The following ECT2L variants were observed in gnomAD, a reference collection of about 807,000 sequenced individuals.
The protein encoded by ECT2L is epithelial cell-transforming sequence 2 oncogene-like.
ECT2L carries 126 observed loss-of-function variants against 122.8 expected under a neutral mutation model. That is an observed-to-expected ratio of 1.03 (90% CI 0.89 to 1.19). ECT2L has a LOEUF of 1.19. Ranked by LOEUF, ECT2L falls within the 50% of genes most tolerant of loss-of-function variation. The probability of loss-of-function intolerance (pLI) is 0.00; values close to 1 mark genes in which losing one functional copy is unlikely to be tolerated. For synonymous variants in ECT2L, 385 were observed against 381.8 expected, an observed-to-expected ratio of 1.01 and a Z score of -0.10; for missense variants, 1,012 against 1,064.1, an observed-to-expected ratio of 0.95 and a Z score of 0.68.
Position 138,900,986 on chromosome 6 carries a change from T to G in ECT2L, c.2453T>G (p.Phe818Cys), listed in dbSNP as rs779137530. 1.2e-6 allele frequency: 2 copies of G among 1,614,190 alleles called. No homozygotes were observed. The highest frequency in any genetic ancestry group is 1.7e-6 in the Non-Finnish European group (2 of 1,180,018). The change falls in exon 21 of 22, where the codon TTC becomes TGC. Residue 818 changes from phenylalanine to cysteine, a missense_variant. By Grantham distance (205) the Phe-to-Cys change is radical. Coordinates refer to ENST00000541398, the MANE Select transcript of ECT2L (RefSeq NM_001077706.3). Reference protein sequence around the residue: ...EHIHDLSLFLFNDALLVSSRG... With the variant: ...EHIHDLSLFLCNDALLVSSRG... ...ATCCATGATCTCAGCCTTTTCCTCTTCAATGATGCCCTGCTCGTTTCTAGT... is the reference window on the plus strand; with the variant it reads ...ATCCATGATCTCAGCCTTTTCCTCTGCAATGATGCCCTGCTCGTTTCTAGT...
At chr6:138,891,116 A>G (rs1357377704) in intron 20 of ECT2L, among the ~76,000 whole-genome samples, 1 of 152,218 alleles carries the variant, frequency 6.6e-6, no homozygotes, top group East Asian at 1.9e-4. Flanking sequence ...GAATTCAGGC[A>G]CAACTGACCA....
intron 16 of ECT2L, among the ~76,000 whole-genome samples, chr6:138,884,749 G>A (rs1044129676): frequency 1.3e-5 from 2 of 152,140 alleles, no homozygotes; most frequent in South Asian, 2.1e-4. Flanking sequence ...ACCATTAATA[G>A]TCAAGATCTT....
intron 10 of ECT2L, among the ~76,000 whole-genome samples, chr6:138,859,167 G>T (rs927749538): frequency 6.6e-6 from 1 of 152,170 alleles, no homozygotes; most frequent in Non-Finnish European, 1.5e-5. Flanking sequence ...GCATCATACA[G>T]TATGTATTCT....
rs774642083 is a variant in ECT2L at position 138,885,585 on chromosome 6, T to G, written c.2102+6T>G. 10 of 1,614,048 alleles carry G rather than the reference T, an allele frequency of 6.2e-6. No homozygotes were observed. In the Admixed American group the frequency reaches 1.3e-4, roughly 22 times the overall value. ...ATTGTTACCAAAATGCTGAGGTACG[T>G]TCTGAGGGAGAGCACAGCAGGGGTC... On this transcript the variant is annotated splice_donor_region_variant and intron_variant, in intron 17 of 21. Transcript: ENST00000541398.
chr6:138,865,848 CCTGA>C (rs1171886255), intron 12 of ECT2L, among the ~76,000 whole-genome samples: 2 of 152,242 alleles, frequency 1.3e-5, no homozygotes, highest in Non-Finnish European at 2.9e-5. Flanking sequence ...CTACTTTCCG[CCTGA>C]CTAAAACACC....
chr6:138,860,005 A>G (rs1170704749), intron 10 of ECT2L, among the ~76,000 whole-genome samples: 1 of 151,984 alleles, frequency 6.6e-6, no homozygotes, highest in Non-Finnish European at 1.5e-5. Context: ...TAATATTTTT[A>G]GTAGAGACAG....
At chr6:138,866,583 C>T (rs1350377895) in intron 12 of ECT2L, among the ~76,000 whole-genome samples, 4 of 151,960 alleles carry the variant, frequency 2.6e-5, no homozygotes, top group Non-Finnish European at 5.9e-5. Context: ...GACGGGGTTT[C>T]ACCATGTTGG....
At chr6:138,884,218 C>T (rs373310710) in intron 16 of ECT2L, among the ~76,000 whole-genome samples, 12 of 152,180 alleles carry the variant, frequency 7.9e-5, no homozygotes, top group African/African-American at 2.9e-4. Flanking sequence ...TGGTCTTAGC[C>T]GAAAGTCCAG....
intron 1 of ECT2L, among the ~76,000 whole-genome samples, chr6:138,808,916 G>A (rs964367733): frequency 5.3e-5 from 8 of 151,882 alleles, no homozygotes; most frequent in Admixed American, 2.6e-4. Flanking sequence ...TAGTACAGAT[G>A]GAGTTTTGCT....
chr6:138,838,207 A>T lies in ECT2L; in HGVS notation c.180-145A>T, dbSNP rs950082635. ...ATGAGCCACGGCACCTGGCCTGAAA[A>T]TTTTTTAAATCTAGATTTATGTTTT... On this transcript the variant is annotated intron_variant, in intron 4 of 21. Coordinates refer to ENST00000541398, the MANE Select transcript of ECT2L (RefSeq NM_001077706.3). The T allele has an allele frequency of 3.3e-6, 3 of 902,640 alleles. No homozygotes were observed. The South Asian group carries it at 7.7e-5, about 23-fold the overall frequency. 55.9% of individuals were successfully genotyped at this position (902,640 alleles called of 1,614,324 possible).
chr6:138,895,243 AG>A (rs1205864082), intron 20 of ECT2L, among the ~76,000 whole-genome samples: 2 of 152,222 alleles, frequency 1.3e-5, no homozygotes, highest in Non-Finnish European at 2.9e-5. Context: ...ATTTTTACTT[AG>A]AGGAAACATA....
intron 13 of ECT2L, among the ~76,000 whole-genome samples, chr6:138,874,598 G>T (rs923372205): frequency 3.3e-5 from 5 of 152,092 alleles, no homozygotes; most frequent in African/African-American, 1.2e-4. Flanking sequence ...GGTCTGGGGG[G>T]GTCCATGATG....
chr6:138,813,497 C>T (rs1419960384), intron 3 of ECT2L, among the ~76,000 whole-genome samples, 157 bp downstream of exon 3: 3 of 152,230 alleles, frequency 2.0e-5, no homozygotes. Flanking sequence ...GTCCCAAAGA[C>T]AGTCTCTTCT....
Position 138,902,860 on chromosome 6 carries a change from T to C in ECT2L, c.*233T>C. 1 of 434,536 alleles carries C rather than the reference T, an allele frequency of 2.3e-6. No homozygotes were observed. The allele number at this position is 434,536 out of a possible 1,614,324, so 26.9% of individuals were successfully genotyped here. ...ATTTTGAACTACTTCTTTTGGTAGC[T>C]GTATTTCATGGATAATATTATTTAG... On this transcript the variant is annotated 3_prime_UTR_variant, in exon 22 of 22. Transcript: ENST00000541398.
intron 6 of ECT2L, 150 bp from the exon 7 acceptor site, chr6:138,844,262 A>T (rs561449875): frequency 1.2e-6 from 1 of 860,362 alleles, no homozygotes; most frequent in Non-Finnish European, 1.8e-6. Flanking sequence ...GAGGATGAGA[A>T]ATCCAAACCG....
rs147567298 is a variant in ECT2L, at chr6:138,837,814, G to A, written c.180-538G>A. Among the ~76,000 whole-genome samples the A allele has an allele frequency of 2.2e-3, 334 of 151,548 alleles. 2 individuals are homozygous for A. Among genetic ancestry groups the A allele is most frequent in the African/African-American group, 7.7e-3 (320 of 41,316 alleles). The stretch of plus-strand genomic sequence containing the variant: ...TCTCTTGAAAATCACATCAAACTAG[G>A]TTTACTCCAAGACTGTTTTATTCCT... On this transcript the variant is annotated intron_variant, in intron 4 of 21. Transcript: ENST00000541398.
intron 9 of ECT2L, among the ~76,000 whole-genome samples, chr6:138,850,667 T>C (rs1176073652): frequency 6.6e-6 from 1 of 152,048 alleles, no homozygotes; most frequent in African/African-American, 2.4e-5. Context: ...TACCCAGAAA[T>C]GGGATTGATG....
intron 4 of ECT2L, chr6:138,823,442 C>T (rs1776333132): frequency 2.5e-6 from 4 of 1,607,792 alleles, no homozygotes. Flanking sequence ...AGATGCCAAA[C>T]ATTAAAATAT....
At chr6:138,800,792 A>C (rs1352379088) in intron 1 of ECT2L, among the ~76,000 whole-genome samples, 1 of 152,206 alleles carries the variant, frequency 6.6e-6, no homozygotes, top group Non-Finnish European at 1.5e-5. Flanking sequence ...TGCTGCTATA[A>C]TAAAATACCT....
Sources: allele counts gnomAD v4.1 joint callset (sites outside exome capture counted in the v4.1 genomes callset), GRCh38; gene constraint gnomAD v4.1.1; transcripts MANE v1.5; gene names NCBI Gene and HGNC (gene_info 2026-07-23, HGNC 2026-07-21).